Variants in INVS observed in about 807,000 individuals in gnomAD.
INVS encodes the protein inversion of embryo turning homolog.
INVS carries 86 observed loss-of-function variants against 108.8 expected under a neutral mutation model. The observed-to-expected ratio is 0.79, with a 90% confidence interval of 0.66 to 0.95. The LOEUF is 0.95. INVS is among the 40% of genes least tolerant of loss of function. The pLI, the probability that INVS is intolerant of heterozygous loss-of-function variation, is 0.00. For synonymous variants in INVS, 455 were observed against 473.5 expected (o/e 0.96, Z 0.51); for missense variants, 1,169 against 1,297.4 (o/e 0.90, Z 1.52).
intron 11 of INVS, 85 bp downstream of exon 11, chr9:100,265,013 G>A: frequency 1.2e-6 from 1 of 861,212 alleles, no homozygotes. Flanking sequence ...CACGATCTTG[G>A]CTCACTGCAA....
At chr9:100,169,249 T>G (rs1829461409) in intron 3 of INVS, among the ~76,000 whole-genome samples, 1 of 152,196 alleles carries the variant, frequency 6.6e-6, no homozygotes, top group Non-Finnish European at 1.5e-5. Flanking sequence ...TTTTCTTCCT[T>G]AGCAAGTGAC....
intron 2 of INVS, among the ~76,000 whole-genome samples, chr9:100,105,850 C>CTTTTTTTTTTTTT (rs543070811): frequency 5.5e-4 from 35 of 63,832 alleles, no homozygotes; most frequent in East Asian, 2.3e-3. Flanking sequence ...GAAAAATTCC[C>CTTTTTTTTTTTTT]TTTTTTTTTT....
intron 3 of INVS, among the ~76,000 whole-genome samples, chr9:100,162,787 A>G (rs1829231243): frequency 6.6e-6 from 1 of 151,486 alleles, no homozygotes; most frequent in Non-Finnish European, 1.5e-5. Context: ...AGATCATGCC[A>G]CTGCACTCCA....
intron 2 of INVS, among the ~76,000 whole-genome samples, chr9:100,114,959 A>G (rs2118854437): frequency 6.6e-6 from 1 of 152,352 alleles, no homozygotes; most frequent in South Asian, 2.1e-4. Flanking sequence ...TCTCCTGAGT[A>G]AACACTTAAG....
chr9:100,108,846 G>T (rs1211154549), intron 2 of INVS, among the ~76,000 whole-genome samples: 2 of 152,184 alleles, frequency 1.3e-5, no homozygotes, highest in Non-Finnish European at 2.9e-5. Flanking sequence ...GGCCTTCTCT[G>T]AATGAAACAT....
intron 3 of INVS, among the ~76,000 whole-genome samples, chr9:100,206,270 T>A (rs553248085): frequency 6.6e-6 from 1 of 152,234 alleles, no homozygotes; most frequent in African/African-American, 2.4e-5. Flanking sequence ...GTTTAAGAGG[T>A]GCAGGCTGAT....
intron 3 of INVS, among the ~76,000 whole-genome samples, chr9:100,212,173 C>T (rs1051026120): frequency 1.3e-5 from 2 of 152,150 alleles, no homozygotes; most frequent in Non-Finnish European, 2.9e-5. Context: ...TCTAAATCAA[C>T]TGAAATAAGA....
intron 3 of INVS, among the ~76,000 whole-genome samples, chr9:100,140,221 G>A (rs1588031874): frequency 6.6e-6 from 1 of 152,216 alleles, no homozygotes; most frequent in Non-Finnish European, 1.5e-5. Flanking sequence ...AACAGGCTTT[G>A]TGTGAGCAAC....
intron 2 of INVS, among the ~76,000 whole-genome samples, chr9:100,118,455 C>T (rs1015484473): frequency 1.1e-4 from 16 of 149,974 alleles, no homozygotes; most frequent in African/African-American, 2.9e-4. Context: ...GTGATCCGCC[C>T]GCCTCAGCCT....
At chr9:100,099,827 A>G (rs995495072) in intron 1 of INVS, among the ~76,000 whole-genome samples, 79 of 152,042 alleles carry the variant, frequency 5.2e-4, no homozygotes, top group African/African-American at 1.9e-3. Flanking sequence ...TTCTGCAAAC[A>G]CTCAGTGAGG....
intron 3 of INVS, among the ~76,000 whole-genome samples, chr9:100,168,498 G>A (rs1217884865): frequency 2.0e-5 from 3 of 152,190 alleles, no homozygotes; most frequent in Non-Finnish European, 4.4e-5. Context: ...GCCTCGACAG[G>A]GAAGGTGTTA....
At chr9:100,207,629 T>C (rs1487244962) in intron 3 of INVS, among the ~76,000 whole-genome samples, 1 of 152,160 alleles carries the variant, frequency 6.6e-6, no homozygotes, top group Non-Finnish European at 1.5e-5. Flanking sequence ...TTATTTAAGA[T>C]ATACAGTTAG....
chr9:100,129,778 A>G (rs999675074), intron 3 of INVS: 2 of 648,396 alleles, frequency 3.1e-6, no homozygotes, highest in African/African-American at 3.7e-5. Context: ...CTTTTCCTTT[A>G]TGACATTTTC....
chr9:100,167,740 T>C (rs986617120), intron 3 of INVS, among the ~76,000 whole-genome samples: 10 of 152,192 alleles, frequency 6.6e-5, no homozygotes, highest in Non-Finnish European at 1.3e-4. Context: ...TTTATCCCCA[T>C]TGCCTAGAAC....
At chr9:100,111,830 G>A (rs963555271) in intron 2 of INVS, among the ~76,000 whole-genome samples, 5 of 152,230 alleles carry the variant, frequency 3.3e-5, no homozygotes, top group South Asian at 2.1e-4. Context: ...CACAGACCTC[G>A]CTCAGTTACT....
chr9:100,121,306 A>G (rs1251730694), intron 2 of INVS, among the ~76,000 whole-genome samples: 1 of 152,162 alleles, frequency 6.6e-6, no homozygotes, highest in Non-Finnish European at 1.5e-5. Flanking sequence ...ACAAAATCTA[A>G]TCATGGGAGT....
chr9:100,297,793 G>C, intron 15 of INVS, 143 bp from the exon 16 acceptor site: 3 of 791,442 alleles, frequency 3.8e-6, no homozygotes, highest in Non-Finnish European at 6.7e-6. Context: ...TTTACCCTGG[G>C]CCTACATGTT....
At chr9:100,300,253 T>C (rs1833923399) in intron 16 of INVS, among the ~76,000 whole-genome samples, 1 of 152,230 alleles carries the variant, frequency 6.6e-6, no homozygotes, top group African/African-American at 2.4e-5. Context: ...TACCTGTTTA[T>C]GTAATGTGTT....
At chr9:100,122,930 C>T (rs975222606) in intron 2 of INVS, among the ~76,000 whole-genome samples, 2 of 152,278 alleles carry the variant, frequency 1.3e-5, no homozygotes, top group Admixed American at 6.5e-5. Flanking sequence ...GATGTATTTA[C>T]ATCATTTACA....
Sources: gnomAD v4.1 joint callset for allele counts (sites outside exome capture counted in the v4.1 genomes callset) on GRCh38, gnomAD v4.1.1 for gene constraint, MANE v1.5 for transcripts, NCBI Gene and HGNC (gene_info 2026-07-23, HGNC 2026-07-21) for gene names.